AP3B1: variants seen among roughly 807,000 people sequenced by gnomAD.
The protein encoded by AP3B1 is adaptor related protein complex 3 subunit beta 1.
AP3B1 carries 61 observed loss-of-function variants against 132.5 expected under a neutral mutation model. That is an observed-to-expected ratio of 0.46 (90% CI 0.37 to 0.57). The LOEUF (loss-of-function observed/expected upper bound fraction) is 0.57, where lower values mean the gene tolerates loss of function less well. Ranked by LOEUF, AP3B1 falls within the 20% of genes least tolerant of loss-of-function variation. The pLI is 0.00. For synonymous variants in AP3B1, 388 were observed against 438.3 expected (o/e 0.89, Z 1.43); for missense variants, 1,120 against 1,289.4 (o/e 0.87, Z 2.01).
At chr5:78,026,323 A>T (rs1747340678) in intron 24 of AP3B1, among the ~76,000 whole-genome samples, 1 of 152,204 alleles carries the variant, frequency 6.6e-6, no homozygotes, top group African/African-American at 2.4e-5. Flanking sequence ...TACACATTTA[A>T]CTGTAGCATA....
At chr5:78,230,740 C>A (rs1284331414) in intron 3 of AP3B1, among the ~76,000 whole-genome samples, 4 of 152,156 alleles carry the variant, frequency 2.6e-5, no homozygotes, top group African/African-American at 9.7e-5. Flanking sequence ...AGTAGATAAA[C>A]AGTAAACAAA....
At chr5:78,016,933 A>C (rs766763118) in intron 25 of AP3B1, among the ~76,000 whole-genome samples, 1 of 152,160 alleles carries the variant, frequency 6.6e-6, no homozygotes, top group Non-Finnish European at 1.5e-5. Context: ...AACCTTCTCC[A>C]TTAAGCTCTA....
At chr5:78,080,820 A>AAT (rs1749967120) in intron 22 of AP3B1, among the ~76,000 whole-genome samples, 1 of 152,188 alleles carries the variant, frequency 6.6e-6, no homozygotes, top group African/African-American at 2.4e-5. Flanking sequence ...TAATACAATC[A>AAT]ATGGTATGAA....
chr5:78,019,093 C>T (rs990511572), intron 25 of AP3B1, among the ~76,000 whole-genome samples: 1 of 152,078 alleles, frequency 6.6e-6, no homozygotes. Context: ...TTCAGAGTAG[C>T]CTTTCTGCTC....
chr5:78,154,315 T>G (rs2112353364), intron 14 of AP3B1, among the ~76,000 whole-genome samples: 1 of 152,320 alleles, frequency 6.6e-6, no homozygotes, highest in South Asian at 2.1e-4. Flanking sequence ...AAAAGTCTGC[T>G]GCCACAGGTA....
At chr5:78,249,598 T>C (rs1049786880) in intron 2 of AP3B1, among the ~76,000 whole-genome samples, 1 of 148,910 alleles carries the variant, frequency 6.7e-6, no homozygotes, top group East Asian at 1.9e-4. Context: ...TTTTTTTTTT[T>C]TTTGAGACAG....
At chr5:78,175,911 G>T in intron 9 of AP3B1, 73 bp from the exon 10 acceptor site, 2 of 1,137,506 alleles carry the variant, frequency 1.8e-6, no homozygotes, top group South Asian at 1.3e-5. Flanking sequence ...CTACAATAAT[G>T]ACAAAGAATT....
intron 7 of AP3B1, among the ~76,000 whole-genome samples, chr5:78,199,405 T>C (rs564777077): frequency 6.6e-6 from 1 of 152,288 alleles, no homozygotes; most frequent in African/African-American, 2.4e-5. Flanking sequence ...AACTAAATAA[T>C]GTAGATCCAG....
intron 15 of AP3B1, among the ~76,000 whole-genome samples, chr5:78,130,789 G>T (rs974222061): frequency 1.3e-5 from 2 of 151,894 alleles, no homozygotes; most frequent in Admixed American, 6.6e-5. Context: ...TTACAACTTG[G>T]TTAACTCTAA....
intron 22 of AP3B1, among the ~76,000 whole-genome samples, chr5:78,048,832 C>T (rs1748454948): frequency 1.3e-5 from 2 of 152,250 alleles, no homozygotes; most frequent in South Asian, 4.2e-4. Context: ...TATCATCTAT[C>T]TCCCCCACTC....
At chr5:78,281,542 T>C (rs1015608884) in intron 1 of AP3B1, among the ~76,000 whole-genome samples, 1 of 152,210 alleles carries the variant, frequency 6.6e-6, no homozygotes, top group Non-Finnish European at 1.5e-5. Flanking sequence ...TTTTACATTT[T>C]TGAAACATAA....
intron 14 of AP3B1, among the ~76,000 whole-genome samples, chr5:78,148,306 A>G (rs1190591340): frequency 6.6e-6 from 1 of 152,188 alleles, no homozygotes; most frequent in East Asian, 1.9e-4. Flanking sequence ...ATTTTGCACA[A>G]GAAGTCTGGG....
At chr5:78,120,981 A>G (rs1464707829) in intron 17 of AP3B1, among the ~76,000 whole-genome samples, 4 of 152,370 alleles carry the variant, frequency 2.6e-5, no homozygotes, top group South Asian at 2.1e-4. Flanking sequence ...AACAGAAATT[A>G]TAACGAACTG....
At chr5:78,276,502 C>T (rs1748781138) in intron 1 of AP3B1, among the ~76,000 whole-genome samples, 1 of 152,124 alleles carries the variant, frequency 6.6e-6, no homozygotes, top group African/African-American at 2.4e-5. Context: ...TAGACCAAGG[C>T]AGGAGGATCA....
At chr5:78,007,421 C>G (rs888218877) in intron 26 of AP3B1, among the ~76,000 whole-genome samples, 1 of 150,874 alleles carries the variant, frequency 6.6e-6, no homozygotes, top group African/African-American at 2.5e-5. Flanking sequence ...GACAATGACC[C>G]ACTCAGGCTA....
intron 7 of AP3B1, among the ~76,000 whole-genome samples, chr5:78,205,733 T>C (rs4505927): frequency 0.55 from 84,256 of 151,904 alleles, 23,569 homozygotes; most frequent in Admixed American, 0.59. Context: ...CCAGCACCAT[T>C]ACCTAGTGCT....
chr5:78,030,729 T>G (rs1245559906), intron 24 of AP3B1, among the ~76,000 whole-genome samples: 7 of 152,046 alleles, frequency 4.6e-5, no homozygotes, highest in African/African-American at 1.7e-4. Context: ...TAGGCTGGAG[T>G]GTAGTGGTGC....
intron 1 of AP3B1, among the ~76,000 whole-genome samples, chr5:78,281,932 G>A (rs1749075139): frequency 6.6e-6 from 1 of 151,554 alleles, no homozygotes; most frequent in Admixed American, 6.6e-5. Flanking sequence ...GGATGATAAA[G>A]TTATTCAGGT....
chr5:78,091,492 C>T (rs1561399257), intron 21 of AP3B1, among the ~76,000 whole-genome samples: 1 of 152,102 alleles, frequency 6.6e-6, no homozygotes, highest in South Asian at 2.1e-4. Context: ...TAGACCCACA[C>T]TGAAAACCCC....
Sources: gnomAD v4.1 joint callset for allele counts (sites outside exome capture counted in the v4.1 genomes callset) on GRCh38, gnomAD v4.1.1 for gene constraint, MANE v1.5 for transcripts, NCBI Gene and HGNC (gene_info 2026-07-23, HGNC 2026-07-21) for gene names.